FLACC1: variants seen among roughly 807,000 people sequenced by gnomAD.
FLACC1 encodes flagellum associated containing coiled-coil domains 1, also known as flagellum-associated coiled-coil domain-containing protein 1.
In FLACC1, 66 loss-of-function variants were observed where a neutral mutation model predicts 62.8. That is an observed-to-expected ratio of 1.05 (90% CI 0.86 to 1.29). The LOEUF is 1.29. Ranked by LOEUF, FLACC1 falls within the 50% of genes most tolerant of loss-of-function variation. The pLI, the probability that FLACC1 is intolerant of heterozygous loss-of-function variation, is 0.00. For missense variants in FLACC1, 452 were observed against 489.1 expected, an observed-to-expected ratio of 0.92 and a Z score of 0.71; for synonymous variants, 156 against 161.0, an observed-to-expected ratio of 0.97 and a Z score of 0.24.
At chr2:201,298,876 T>A (rs2125544918) in intron 12 of FLACC1, among the ~76,000 whole-genome samples, 1 of 152,160 alleles carries the variant, frequency 6.6e-6, no homozygotes, top group South Asian at 2.1e-4. Flanking sequence ...GGTGACAGAG[T>A]TTCAAAGGAG....
intron 9 of FLACC1, among the ~76,000 whole-genome samples, chr2:201,313,535 T>A (rs987575599): frequency 7.2e-5 from 11 of 152,008 alleles, no homozygotes; most frequent in Non-Finnish European, 1.6e-4. Flanking sequence ...CACACCTCCA[T>A]CCCCACAGCA....
chr2:201,310,935 C>A (rs1016315715), intron 9 of FLACC1, among the ~76,000 whole-genome samples: 21 of 151,986 alleles, frequency 1.4e-4, no homozygotes, highest in African/African-American at 4.1e-4. Flanking sequence ...CAAATAAGCA[C>A]ATTTAGAAAG....
Position 201,289,680 on chromosome 2 carries a change from T to C in FLACC1, c.1032+16A>G. 1 of 1,612,764 alleles carries C rather than the reference T, an allele frequency of 6.2e-7. No homozygotes were observed. Among genetic ancestry groups the C allele is most frequent in the East Asian group, 2.2e-5 (1 of 44,862 alleles). On this transcript the variant is annotated intron_variant, in intron 13 of 14. Coordinates refer to ENST00000392257, the MANE Select transcript of FLACC1 (RefSeq NM_001127391.3). ...TTCTTCCCCCAACCCCCATCCCCAC[T>C]CCAGTAGGGACTCACCTCTTTCTGG...
chr2:201,350,249 G>A (rs1326591919), intron 3 of FLACC1, among the ~76,000 whole-genome samples: 3 of 152,162 alleles, frequency 2.0e-5, no homozygotes, highest in Non-Finnish European at 4.4e-5. Flanking sequence ...CGTGGGCATG[G>A]TAATGGGTGC....
At chr2:201,344,369 A>T in intron 5 of FLACC1, 106 bp from the exon 6 acceptor site, 9 of 721,868 alleles carry the variant, frequency 1.2e-5, no homozygotes, top group Admixed American at 4.5e-5. Context: ...GCCTGGTGAG[A>T]GCTGGCCATG....
chr2:201,301,015 A>T (rs969937908), intron 11 of FLACC1, among the ~76,000 whole-genome samples: 4 of 152,088 alleles, frequency 2.6e-5, no homozygotes, highest in African/African-American at 9.7e-5. Context: ...AATCAGAGCG[A>T]CTCTTCTCCT....
chr2:201,321,347 C>A (rs568193650), intron 9 of FLACC1, among the ~76,000 whole-genome samples: 1 of 152,152 alleles, frequency 6.6e-6, no homozygotes, highest in Non-Finnish European at 1.5e-5. Context: ...CAAGAGAACA[C>A]CCTGTGGGAG....
At chr2:201,361,681 G>A (rs564936756), upstream of FLACC1, among the ~76,000 whole-genome samples, 2 of 152,300 alleles carry the variant, frequency 1.3e-5, no homozygotes, top group South Asian at 4.1e-4. Context: ...AGCCATAGAA[G>A]TGGTAGTGAA....
At chr2:201,321,814 C>A (rs971879453) in intron 9 of FLACC1, among the ~76,000 whole-genome samples, 1 of 152,060 alleles carries the variant, frequency 6.6e-6, no homozygotes, top group Admixed American at 6.6e-5. Context: ...CCAGGTAAGA[C>A]CTCATTGCAA....
At chr2:201,327,048 A>C (rs1317392520) in intron 9 of FLACC1, among the ~76,000 whole-genome samples, 1 of 152,218 alleles carries the variant, frequency 6.6e-6, no homozygotes, top group Non-Finnish European at 1.5e-5. Flanking sequence ...ATCTTTGACA[A>C]AGCAAACAAA....
At chr2:201,305,850 C>T (rs973203484) in intron 11 of FLACC1, among the ~76,000 whole-genome samples, 2 of 151,068 alleles carry the variant, frequency 1.3e-5, no homozygotes, top group African/African-American at 2.4e-5. Flanking sequence ...AACCAAACAC[C>T]GTGTGTTCTC....
At chr2:201,330,589 T>C (rs1950573494) in intron 8 of FLACC1, 67 bp from the exon 9 acceptor site, 1 of 1,565,026 alleles carries the variant, frequency 6.4e-7, no homozygotes, top group South Asian at 1.1e-5. Context: ...AATTCAAATG[T>C]GAGTTCTTCT....
In FLACC1 at chr2:201,346,664, G is replaced by T. The variant is rs375309101; in HGVS notation, c.246C>A (p.Asn82Lys). ...GAACAAGTTGATAGCCAGGTGACACGTTGATCACTTCCTAGGCATCAAGGG... is the reference window on the plus strand; with the variant it reads ...GAACAAGTTGATAGCCAGGTGACACTTTGATCACTTCCTAGGCATCAAGGG... ...ETNKSFYEVI[N>K]VSPGYQLVRN... is the part of the protein sequence containing the mutation. The change falls in exon 5 of 15, where the codon AAC becomes AAA. Residue 82 changes from asparagine (N) to lysine (K), a missense_variant. Around this residue, in one of 3 missense-constraint regions of FLACC1, gnomAD observed 147 missense variants for 152.7 expected, o/e 0.96. Transcript: ENST00000392257. The surrounding 1 kb of genome is among the most constrained non-coding windows in gnomAD (Gnocchi z 4.0). 6.2e-7 allele frequency: 1 copy of T among 1,614,182 alleles called. No homozygotes were observed. The highest frequency in any genetic ancestry group is 1.1e-5 in the South Asian group (1 of 91,088).
chr2:201,312,695 A>T (rs1488900261), intron 9 of FLACC1, among the ~76,000 whole-genome samples: 1 of 152,124 alleles, frequency 6.6e-6, no homozygotes. Flanking sequence ...GGCTACAGAG[A>T]TGGTGGACGG....
chr2:201,304,284 A>G (rs1950054502), intron 11 of FLACC1, among the ~76,000 whole-genome samples: 1 of 152,124 alleles, frequency 6.6e-6, no homozygotes, highest in African/African-American at 2.4e-5. Context: ...CTATACACCA[A>G]TAACAGACAA....
upstream of FLACC1, among the ~76,000 whole-genome samples, chr2:201,362,008 A>G (rs889424323): frequency 3.3e-5 from 5 of 152,340 alleles, no homozygotes; most frequent in South Asian, 1.0e-3. Context: ...ACATTTGCTC[A>G]TTTGAAAATT....
At chr2:201,313,349 C>T (rs1426573950) in intron 9 of FLACC1, among the ~76,000 whole-genome samples, 1 of 152,140 alleles carries the variant, frequency 6.6e-6, no homozygotes, top group Non-Finnish European at 1.5e-5. Context: ...TGCCTGGAAA[C>T]AGACTTGGTA....
intron 9 of FLACC1, among the ~76,000 whole-genome samples, chr2:201,310,417 G>T (rs1474870830): frequency 6.6e-6 from 1 of 152,078 alleles, no homozygotes; most frequent in Non-Finnish European, 1.5e-5. Flanking sequence ...TGGGACTCTG[G>T]ACTCTCAGTG....
chr2:201,352,486 A>G (rs921890128), intron 1 of FLACC1, among the ~76,000 whole-genome samples: 1 of 152,184 alleles, frequency 6.6e-6, no homozygotes, highest in African/African-American at 2.4e-5. Context: ...GTTCCACAAG[A>G]GCAAGAAAAT....
Sources: allele counts gnomAD v4.1 joint callset (sites outside exome capture counted in the v4.1 genomes callset), GRCh38; gene constraint gnomAD v4.1.1; regional missense constraint gnomAD v4.1.1; non-coding constraint Gnocchi (gnomAD v3.1); transcripts MANE v1.5; gene names NCBI Gene and HGNC (gene_info 2026-07-23, HGNC 2026-07-21).